Variants in B3GALNT1 observed in about 807,000 individuals in gnomAD.
B3GALNT1 encodes UDP-GalNAc:beta-1,3-N-acetylgalactosaminyltransferase 1.
Under a neutral mutation model 27.3 loss-of-function variants are expected in B3GALNT1, and 17 were observed. That is an observed-to-expected ratio of 0.62 (90% CI 0.43 to 0.94). B3GALNT1 has a LOEUF of 0.94. Among genes scored for constraint, B3GALNT1 ranks in the 40% least tolerant of loss-of-function variants. The pLI is 0.00. For missense variants in B3GALNT1, 347 were observed against 390.0 expected (o/e 0.89, Z 0.93); for synonymous variants, 141 against 144.0 (o/e 0.98, Z 0.15).
chr3:161,086,109 T>C lies in B3GALNT1; in HGVS notation c.646A>G (p.Arg216Gly), dbSNP rs2108176009. The C allele has an allele frequency of 6.2e-7, 1 of 1,605,656 alleles. No homozygotes were observed. The highest frequency in any genetic ancestry group is 1.3e-5 in the African/African-American group (1 of 74,532). Residue 216 changes from arginine (R) to glycine (G), a missense_variant, in exon 5 of 5, where the codon AGA becomes GGA. Arg to Gly is a moderately radical substitution (Grantham distance 125). Coordinates refer to ENST00000320474, the MANE Select transcript of B3GALNT1 (RefSeq NM_003781.4). ...ATATGGGTTTTTTGGTAAAATCCTC[T>C]ATAGGAATAATTATCAATTAGAGGA... ...GYPLIDNYSY[R>G]GFYQKTHISY...
rs765788938 is a variant in B3GALNT1, at chr3:161,086,618, C to T, written c.137G>A (p.Arg46His). 14 of 1,614,038 alleles carry T rather than the reference C, an allele frequency of 8.7e-6. No individual in the cohort carries two copies. The highest frequency in any genetic ancestry group is 4.0e-5 in the African/African-American group (3 of 74,904). ...LSLPHYNVIERVNWMYFYEYE... is the reference protein window; with the variant it reads ...LSLPHYNVIEHVNWMYFYEYE... Reference sequence around the variant, plus strand: ...CTCATAGAAGTACATCCAGTTCACGCGTTCTATCACATTGTAGTGGGGAAG... The same window carrying T: ...CTCATAGAAGTACATCCAGTTCACGTGTTCTATCACATTGTAGTGGGGAAG... Residue 46 changes from arginine to histidine, a missense_variant, in exon 5 of 5, where the codon CGC becomes CAC. Transcript: ENST00000320474.
chr3:161,094,838 C>T (rs984456096), intron 4 of B3GALNT1, among the ~76,000 whole-genome samples: 1 of 152,120 alleles, frequency 6.6e-6, no homozygotes, highest in African/African-American at 2.4e-5. Flanking sequence ...GCCACAATGC[C>T]GGGCAACAAC....
At chr3:161,093,808 G>A (rs1445947758) in intron 4 of B3GALNT1, among the ~76,000 whole-genome samples, 1 of 151,998 alleles carries the variant, frequency 6.6e-6, no homozygotes, top group African/African-American at 2.4e-5. Flanking sequence ...AGACCAACCT[G>A]AGGGAACAGT....
intron 4 of B3GALNT1, among the ~76,000 whole-genome samples, chr3:161,096,690 T>C (rs1485300738): frequency 6.6e-6 from 1 of 152,214 alleles, no homozygotes; most frequent in Non-Finnish European, 1.5e-5. Flanking sequence ...AAACATCTAA[T>C]TATTTTCACA....
At chr3:161,104,596 T>C in intron 1 of B3GALNT1, 190 bp from the exon 2 acceptor site, 1 of 318,108 alleles carries the variant, frequency 3.1e-6, no homozygotes, top group Non-Finnish European at 6.1e-6. Flanking sequence ...CCCTGTATGT[T>C]CCTTAACACT....
At chr3:161,094,561 C>T (rs902578145) in intron 4 of B3GALNT1, among the ~76,000 whole-genome samples, 1 of 151,922 alleles carries the variant, frequency 6.6e-6, no homozygotes, top group Non-Finnish European at 1.5e-5. Context: ...AAAAAGAAAT[C>T]AAATGTAATT....
intron 4 of B3GALNT1, among the ~76,000 whole-genome samples, chr3:161,097,071 C>T (rs1468459307): frequency 1.3e-5 from 2 of 152,218 alleles, no homozygotes; most frequent in Admixed American, 1.3e-4. Context: ...AAGCCCCAGG[C>T]CCCACCCTAG....
At chr3:161,099,508 A>G (rs1050746150) in intron 4 of B3GALNT1, among the ~76,000 whole-genome samples, 3 of 152,212 alleles carry the variant, frequency 2.0e-5, no homozygotes, top group Non-Finnish European at 4.4e-5. Flanking sequence ...ATATGATAAA[A>G]GGTGGTGAAG....
At position 161,085,894 on chromosome 3, in the gene B3GALNT1, T is replaced by A. The variant is rs375910264; in HGVS notation, c.861A>T (p.Thr287=). 6.2e-7 allele frequency: 1 copy of A among 1,613,376 alleles called. No homozygotes were observed. Among genetic ancestry groups the A allele is most frequent in the Admixed American group, 1.7e-5 (1 of 59,910 alleles). The change falls in exon 5 of 5, where the codon ACA becomes ACT. Residue 287 remains threonine, a synonymous_variant. Transcript: ENST00000320474. ...LKVNIHIPED[T]NLFFLYRIHL... The stretch of plus-strand genomic sequence containing the variant: ...GGATTCTATATAGAAAGAAAAGATT[T>A]GTGTCTTCTGGAATATGAATGTTCA...
In B3GALNT1 at chr3:161,083,920, G is replaced by C. The variant is rs902019670; in HGVS notation, c.*1839C>G. ...AATACACAAACCGGTGTCATTTATT[G>C]TCATTATCAGTATTACATACTGTAC... On this transcript the variant is annotated 3_prime_UTR_variant, in exon 5 of 5. Transcript: ENST00000320474. 5.9e-5 allele frequency: 9 copies of C among 152,110 alleles called. No homozygotes were observed. The highest frequency in any genetic ancestry group is 1.2e-4 in the Non-Finnish European group (8 of 68,026). 9.4% of individuals were successfully genotyped at this position (152,110 alleles called of 1,614,324 possible).
chr3:161,099,809 A>AACAC (rs149223798), intron 4 of B3GALNT1, among the ~76,000 whole-genome samples: 67 of 149,008 alleles, frequency 4.5e-4, no homozygotes, highest in Admixed American at 1.7e-3. Flanking sequence ...CCCCTTCTCT[A>AACAC]ACACACACAC....
chr3:161,093,751 G>A (rs2108325264), intron 4 of B3GALNT1, among the ~76,000 whole-genome samples: 1 of 152,136 alleles, frequency 6.6e-6, no homozygotes, highest in Middle Eastern at 3.4e-3. Context: ...ATAATCCCAG[G>A]ACTTTAGGAG....
At chr3:161,102,902 G>C (rs1456887886) in intron 3 of B3GALNT1, among the ~76,000 whole-genome samples, 1 of 152,158 alleles carries the variant, frequency 6.6e-6, no homozygotes, top group Non-Finnish European at 1.5e-5. Context: ...AAGAAGAAGA[G>C]ACATCATCCA....
At position 161,085,414 on chromosome 3, in the gene B3GALNT1, C is replaced by G. The variant is rs556866905; in HGVS notation, c.*345G>C. The G allele has an allele frequency of 2.7e-5, 7 of 256,138 alleles. No individual in the cohort carries two copies. The highest frequency in any genetic ancestry group is 1.6e-4 in the African/African-American group (7 of 44,546). The allele number at this position is 256,138 out of a possible 1,614,324, so 15.9% of individuals were successfully genotyped here. ...TGACTACATTGTTCAATAAATAAAACTCTACATTGTTTTGTTTTTACAGCC... is the reference window on the plus strand; with the variant it reads ...TGACTACATTGTTCAATAAATAAAAGTCTACATTGTTTTGTTTTTACAGCC... On this transcript the variant is annotated 3_prime_UTR_variant, in exon 5 of 5. Coordinates refer to ENST00000320474, the MANE Select transcript of B3GALNT1 (RefSeq NM_003781.4).
In B3GALNT1 at chr3:161,085,954, A is replaced by G. The variant is rs899182483; in HGVS notation, c.801T>C (p.Asp267=). 1 of 1,602,660 alleles carries G rather than the reference A, an allele frequency of 6.2e-7. No individual in the cohort carries two copies. Among genetic ancestry groups the G allele is most frequent in the Non-Finnish European group, 8.5e-7 (1 of 1,174,616 alleles). ...AATTCAAACAGATCCCGACATAAACATCTTCAAACTTGATGGGTTTTACGT... is the reference window on the plus strand; with the variant it reads ...AATTCAAACAGATCCCGACATAAACGTCTTCAAACTTGATGGGTTTTACGT... ...MGHVKPIKFE[D]VYVGICLNLL... is the part of the protein sequence containing the mutation. The change falls in exon 5 of 5, where the codon GAT becomes GAC. Residue 267 remains aspartate, a synonymous_variant. Coordinates refer to ENST00000320474, the MANE Select transcript of B3GALNT1 (RefSeq NM_003781.4).
intron 4 of B3GALNT1, 67 bp downstream of exon 4, chr3:161,101,072 C>T: frequency 8.3e-7 from 1 of 1,207,872 alleles, no homozygotes. Context: ...ACCAACCTCA[C>T]ATCTAATCTC....
chr3:161,087,081 C>G (rs1722438627), intron 4 of B3GALNT1, among the ~76,000 whole-genome samples: 1 of 152,034 alleles, frequency 6.6e-6, no homozygotes, highest in Admixed American at 6.6e-5. Context: ...TAATTCTATC[C>G]TAGGTGCAGA....
chr3:161,091,308 A>G (rs1724975304), intron 4 of B3GALNT1, among the ~76,000 whole-genome samples: 1 of 152,158 alleles, frequency 6.6e-6, no homozygotes, highest in Admixed American at 6.5e-5. Flanking sequence ...TTAAAAGAAA[A>G]ATGCCAATTA....
Position 161,085,428 on chromosome 3 carries a change from GT to G in B3GALNT1, c.*330del. 1 of 283,786 alleles carries G rather than the reference GT, an allele frequency of 3.5e-6. No homozygotes were observed. The allele number at this position is 283,786 out of a possible 1,614,324, so 17.6% of individuals were successfully genotyped here. Reference sequence around the variant, plus strand: ...AATAAATAAAACTCTACATTGTTTTGTTTTTACAGCCTAGTGAGCTTATAAC... The same window carrying G: ...AATAAATAAAACTCTACATTGTTTTGTTTTACAGCCTAGTGAGCTTATAAC... On this transcript the variant is annotated 3_prime_UTR_variant, in exon 5 of 5. Transcript: ENST00000320474.
Sources: gnomAD v4.1 joint callset for allele counts (sites outside exome capture counted in the v4.1 genomes callset) on GRCh38, gnomAD v4.1.1 for gene constraint, MANE v1.5 for transcripts, NCBI Gene and HGNC (gene_info 2026-07-23, HGNC 2026-07-21) for gene names.